The following CNTN5 variants were observed in gnomAD, a reference collection of about 807,000 sequenced individuals.
The protein encoded by CNTN5 is contactin-5.
A neutral mutation model predicts 129.1 loss-of-function variants in CNTN5; 77 were observed. The observed-to-expected ratio is 0.60, with a 90% CI of 0.50 to 0.72. The LOEUF (loss-of-function observed/expected upper bound fraction) is 0.72. Among genes scored for constraint, CNTN5 ranks in the 30% least tolerant of loss-of-function variants. CNTN5 has a pLI of 0.00. For synonymous variants in CNTN5, 509 were observed against 465.6 expected, an observed-to-expected ratio of 1.09 and a Z score of -1.20; for missense variants, 1,478 against 1,328.8, an observed-to-expected ratio of 1.11 and a Z score of -1.75.
intron 3 of CNTN5, among the ~76,000 whole-genome samples, chr11:99,784,369 A>G (rs1243054309): frequency 6.7e-6 from 1 of 149,268 alleles, no homozygotes; most frequent in Non-Finnish European, 1.5e-5. Context: ...CTCATTTTTC[A>G]CCTCCCATTT....
chr11:99,930,568 T>TA (rs1191842536), intron 7 of CNTN5, among the ~76,000 whole-genome samples: 3 of 152,218 alleles, frequency 2.0e-5, no homozygotes, highest in Non-Finnish European at 4.4e-5. Flanking sequence ...GCCCTGTTCA[T>TA]ATCTGCCTAT....
chr11:99,173,703 GTA>G (rs1268318329), intron 1 of CNTN5, among the ~76,000 whole-genome samples: 1 of 152,156 alleles, frequency 6.6e-6, no homozygotes, highest in Non-Finnish European at 1.5e-5. Flanking sequence ...AGACATTAGG[GTA>G]TGTCATAAGT....
At chr11:99,757,926 G>T (rs117577174) in intron 3 of CNTN5, among the ~76,000 whole-genome samples, 649 of 152,088 alleles carry the variant, frequency 4.3e-3, no homozygotes, top group Admixed American at 9.0e-3. Context: ...AATAGTAACT[G>T]TTATTATTTT....
At chr11:99,824,927 A>G (rs577914013) in intron 4 of CNTN5, among the ~76,000 whole-genome samples, 1 of 152,086 alleles carries the variant, frequency 6.6e-6, no homozygotes, top group Non-Finnish European at 1.5e-5. Flanking sequence ...CTTTAAGCTT[A>G]TTCCTAGATC....
At chr11:99,818,160 T>A (rs1352685767) in intron 3 of CNTN5, among the ~76,000 whole-genome samples, 2 of 152,228 alleles carry the variant, frequency 1.3e-5, no homozygotes, top group Non-Finnish European at 2.9e-5. Context: ...ATAATTTTAA[T>A]TAATTATGAG....
intron 10 of CNTN5, among the ~76,000 whole-genome samples, chr11:100,065,765 C>A (rs1211753665): frequency 6.6e-6 from 1 of 152,070 alleles, no homozygotes; most frequent in Non-Finnish European, 1.5e-5. Flanking sequence ...CAGATAATTT[C>A]TACTTTCTAT....
intron 2 of CNTN5, among the ~76,000 whole-genome samples, chr11:99,472,224 AT>A (rs1402435293): frequency 6.6e-6 from 1 of 152,154 alleles, no homozygotes; most frequent in African/African-American, 2.4e-5. Flanking sequence ...GAGTCTGTGA[AT>A]TTGCTAAAAT....
intron 1 of CNTN5, among the ~76,000 whole-genome samples, chr11:99,174,167 T>C (rs189195076): frequency 1.3e-5 from 2 of 152,156 alleles, no homozygotes; most frequent in Admixed American, 1.3e-4. Flanking sequence ...CCTGACTAAT[T>C]CTTGTATTTT....
intron 3 of CNTN5, among the ~76,000 whole-genome samples, chr11:99,679,820 C>G (rs1046073424): frequency 2.0e-5 from 3 of 152,216 alleles, no homozygotes; most frequent in Non-Finnish European, 1.5e-5. Flanking sequence ...CCTCTTGCAT[C>G]AAACCTTAGC....
At chr11:99,878,840 C>A (rs1463858736) in intron 6 of CNTN5, among the ~76,000 whole-genome samples, 2 of 151,942 alleles carry the variant, frequency 1.3e-5, no homozygotes, top group Admixed American at 1.3e-4. Flanking sequence ...GGCGACAGAG[C>A]GAGACTCCGT....
intron 1 of CNTN5, among the ~76,000 whole-genome samples, chr11:99,163,891 A>AGTTCC (rs1860741871): frequency 6.6e-6 from 1 of 152,182 alleles, no homozygotes; most frequent in Non-Finnish European, 1.5e-5. Context: ...TGGAGGTGAA[A>AGTTCC]ACAATGCAGT....
At chr11:99,492,583 T>A (rs1300195339) in intron 2 of CNTN5, among the ~76,000 whole-genome samples, 1 of 152,138 alleles carries the variant, frequency 6.6e-6, no homozygotes, top group Non-Finnish European at 1.5e-5. Flanking sequence ...ATTTTAAAAT[T>A]TGGTTTGGTT....
intron 13 of CNTN5, among the ~76,000 whole-genome samples, chr11:100,107,904 T>C (rs541567253): frequency 2.0e-5 from 3 of 152,096 alleles, no homozygotes; most frequent in East Asian, 3.9e-4. Flanking sequence ...AAATGTAATA[T>C]AGTTTATAGA....
chr11:99,358,517 C>T (rs1032604298), intron 2 of CNTN5, among the ~76,000 whole-genome samples: 21 of 151,164 alleles, frequency 1.4e-4, no homozygotes, highest in Non-Finnish European at 2.5e-4. Context: ...GCCAAGATCG[C>T]GCCACTGCAC....
At chr11:100,089,533 T>C (rs2137983354) in intron 13 of CNTN5, among the ~76,000 whole-genome samples, 1 of 152,274 alleles carries the variant, frequency 6.6e-6, no homozygotes, top group Admixed American at 6.5e-5. Context: ...AAAATACCAT[T>C]TGACCTAGCA....
intron 8 of CNTN5, among the ~76,000 whole-genome samples, chr11:99,992,773 TCAA>T (rs1939195885): frequency 6.6e-6 from 1 of 152,098 alleles, no homozygotes; most frequent in South Asian, 2.1e-4. Context: ...AATAAGAAAA[TCAA>T]CAACCATAAA....
At chr11:99,470,171 A>T (rs891540064) in intron 2 of CNTN5, among the ~76,000 whole-genome samples, 3 of 152,168 alleles carry the variant, frequency 2.0e-5, no homozygotes, top group Non-Finnish European at 2.9e-5. Context: ...TTAGTTATGA[A>T]TCAGTTATTT....
chr11:99,038,399 T>C (rs545643319), intron 1 of CNTN5, among the ~76,000 whole-genome samples: 1 of 152,286 alleles, frequency 6.6e-6, no homozygotes, highest in East Asian at 1.9e-4. Flanking sequence ...AGCATATCTA[T>C]CATCTCAAAT....
Position 100,124,090 on chromosome 11 carries a change from G to T in CNTN5, c.1580+49796G>T, listed in dbSNP as rs573575750. Among the ~76,000 whole-genome samples the T allele has an allele frequency of 3.3e-5, 5 of 152,026 alleles. 1 individual carries two copies. The South Asian group carries it at 1.0e-3, about 32-fold the overall frequency. ...CAGGTACTGTGCTAAGCACTTTATG[G>T]TCAATATCTTTTTCAGTATTTCCAG... On this transcript the variant is annotated intron_variant, in intron 13 of 24. Coordinates refer to ENST00000524871, the MANE Select transcript of CNTN5 (RefSeq NM_014361.4).
Sources: gnomAD v4.1 joint callset for allele counts (sites outside exome capture counted in the v4.1 genomes callset) on GRCh38, gnomAD v4.1.1 for gene constraint, MANE v1.5 for transcripts, NCBI Gene and HGNC (gene_info 2026-07-23, HGNC 2026-07-21) for gene names.